NSG2: variants seen among roughly 807,000 people sequenced by gnomAD.
The protein encoded by NSG2 is neuronal vesicle trafficking associated 2.
Under a neutral mutation model 16.9 loss-of-function variants are expected in NSG2, and 4 were observed. That is an observed-to-expected ratio of 0.24 (90% CI 0.12 to 0.54). The LOEUF (loss-of-function observed/expected upper bound fraction) is 0.54. NSG2 is among the 20% of genes least tolerant of loss of function. NSG2 has a pLI of 0.95. For synonymous variants in NSG2, 98 were observed against 88.7 expected, an observed-to-expected ratio of 1.11 and a Z score of -0.59; for missense variants, 179 against 221.1, an observed-to-expected ratio of 0.81 and a Z score of 1.21.
intron 3 of NSG2, chr5:174,086,557 C>T (rs1760626181): frequency 6.6e-6 from 1 of 152,240 alleles, no homozygotes; most frequent in African/African-American, 2.4e-5. Context: ...TGGTGTGTGC[C>T]TGCTCCCTGC....
At chr5:174,046,605 TC>T (rs1759803636) in intron 1 of NSG2, 128 bp from the exon 2 acceptor site, 2 of 731,664 alleles carry the variant, frequency 2.7e-6, no homozygotes, top group Non-Finnish European at 4.5e-6. Context: ...TAGTGGAAGA[TC>T]AATGACTGAT....
At chr5:174,085,191 A>G (rs1468238974) in intron 3 of NSG2, among the ~76,000 whole-genome samples, 2 of 152,210 alleles carry the variant, frequency 1.3e-5, no homozygotes, top group Admixed American at 6.5e-5. Context: ...ATAATATCCA[A>G]CATTTATGGG....
At chr5:174,103,665 G>A (rs529171141) in intron 3 of NSG2, among the ~76,000 whole-genome samples, 1 of 152,278 alleles carries the variant, frequency 6.6e-6, no homozygotes, top group South Asian at 2.1e-4. Flanking sequence ...AGAAAGGAGT[G>A]GTCGGGTGCA....
At chr5:174,050,171 G>A (rs1215625225) in intron 2 of NSG2, among the ~76,000 whole-genome samples, 1 of 152,168 alleles carries the variant, frequency 6.6e-6, no homozygotes, top group Non-Finnish European at 1.5e-5. Context: ...CCAGTCAGAT[G>A]GTGAGTACTT....
intron 3 of NSG2, among the ~76,000 whole-genome samples, chr5:174,090,425 C>T (rs1398867825): frequency 1.3e-5 from 2 of 152,118 alleles, no homozygotes; most frequent in Non-Finnish European, 2.9e-5. Flanking sequence ...GTCACATAGG[C>T]ACTGTTTGCT....
intron 2 of NSG2, among the ~76,000 whole-genome samples, chr5:174,053,989 C>T (rs760697423): frequency 6.6e-6 from 1 of 152,150 alleles, no homozygotes; most frequent in Non-Finnish European, 1.5e-5. Context: ...TATGCAAAGG[C>T]CACTATATAT....
intron 3 of NSG2, among the ~76,000 whole-genome samples, chr5:174,076,232 C>T (rs1760339951): frequency 6.6e-6 from 1 of 152,116 alleles, no homozygotes; most frequent in African/African-American, 2.4e-5. Context: ...TGCAGTAGCC[C>T]CTAAAATAGA....
intron 2 of NSG2, among the ~76,000 whole-genome samples, chr5:174,048,584 T>A (rs956962502): frequency 6.6e-6 from 1 of 152,160 alleles, no homozygotes; most frequent in Non-Finnish European, 1.5e-5. Flanking sequence ...CCAACAGCTA[T>A]AGCCTTGCAG....
chr5:174,092,809 G>T (rs1239119312), intron 3 of NSG2, among the ~76,000 whole-genome samples: 1 of 152,096 alleles, frequency 6.6e-6, no homozygotes, highest in African/African-American at 2.4e-5. Flanking sequence ...CGGCACGTGA[G>T]GATGCTCTAT....
chr5:174,089,956 G>A (rs1305932054), intron 3 of NSG2, among the ~76,000 whole-genome samples: 1 of 152,088 alleles, frequency 6.6e-6, no homozygotes, highest in Non-Finnish European at 1.5e-5. Context: ...GCTCTGGGAG[G>A]CAGGAAGAGA....
chr5:174,102,730 C>A (rs6871447), intron 3 of NSG2, among the ~76,000 whole-genome samples: 4,089 of 151,760 alleles, frequency 0.027, 187 homozygotes, highest in African/African-American at 0.094. Flanking sequence ...GGCTTTCGAG[C>A]AGAAAAGGGC....
intron 2 of NSG2, among the ~76,000 whole-genome samples, chr5:174,048,647 C>A (rs1321737185): frequency 1.3e-5 from 2 of 152,146 alleles, no homozygotes; most frequent in African/African-American, 4.8e-5. Context: ...GTGAGGTCAT[C>A]TCTCCCCTAG....
intron 3 of NSG2, among the ~76,000 whole-genome samples, chr5:174,097,967 G>C (rs1307600796): frequency 6.6e-6 from 1 of 152,120 alleles, no homozygotes; most frequent in Non-Finnish European, 1.5e-5. Flanking sequence ...ACTGGGCACA[G>C]AGAAAAGGGT....
chr5:174,063,574 TTACA>T (rs1371368645), intron 2 of NSG2, among the ~76,000 whole-genome samples: 15 of 141,854 alleles, frequency 1.1e-4, no homozygotes, highest in African/African-American at 3.9e-4. Context: ...TTTTATTTAT[TTACA>T]TATTTATTTA....
At chr5:174,101,446 T>A (rs1158743263) in intron 3 of NSG2, among the ~76,000 whole-genome samples, 4 of 152,168 alleles carry the variant, frequency 2.6e-5, no homozygotes, top group Non-Finnish European at 5.9e-5. Context: ...CCCTTATCAG[T>A]CATTCCCCAT....
intron 2 of NSG2, among the ~76,000 whole-genome samples, chr5:174,053,147 G>A (rs1323343614): frequency 1.3e-5 from 2 of 152,158 alleles, no homozygotes; most frequent in Non-Finnish European, 2.9e-5. Context: ...ACATTGCTTA[G>A]CATCTCTGGG....
chr5:174,083,561 C>A (rs1444396286), intron 3 of NSG2, among the ~76,000 whole-genome samples: 2 of 152,196 alleles, frequency 1.3e-5, no homozygotes, highest in Non-Finnish European at 1.5e-5. Context: ...CGAGAACTCA[C>A]CATTCAGCTG....
At chr5:174,069,967 TC>T (rs1760207408) in intron 3 of NSG2, among the ~76,000 whole-genome samples, 1 of 147,344 alleles carries the variant, frequency 6.8e-6, no homozygotes, top group African/African-American at 2.5e-5. Context: ...AGCCTTGACC[TC>T]CCAGGCTCAA....
At chr5:174,086,902 G>T (rs1395539771) in intron 3 of NSG2, among the ~76,000 whole-genome samples, 1 of 152,168 alleles carries the variant, frequency 6.6e-6, no homozygotes, top group African/African-American at 2.4e-5. Context: ...TTTGGGAAAT[G>T]AATTACTGCT....
Sources: gnomAD v4.1 joint callset for allele counts (sites outside exome capture counted in the v4.1 genomes callset) on GRCh38, gnomAD v4.1.1 for gene constraint, MANE v1.5 for transcripts, NCBI Gene and HGNC (gene_info 2026-07-23, HGNC 2026-07-21) for gene names.